SYT1: variants seen among roughly 807,000 people sequenced by gnomAD.
SYT1 encodes the protein synaptotagmin-1.
A neutral mutation model predicts 44.8 loss-of-function variants in SYT1; 8 were observed. The ratio of observed to expected loss-of-function variants is 0.18; its 90% CI spans 0.10 to 0.32. The LOEUF is 0.32. Among genes scored for constraint, SYT1 ranks in the 10% least tolerant of loss-of-function variants. The pLI is 1.00. For missense variants in SYT1, 286 were observed against 509.3 expected (o/e 0.56, Z 4.22); for synonymous variants, 154 against 188.8 (o/e 0.82, Z 1.51).
At chr12:79,335,194 C>T (rs1258949928) in intron 8 of SYT1, among the ~76,000 whole-genome samples, 3 of 152,134 alleles carry the variant, frequency 2.0e-5, no homozygotes, top group African/African-American at 7.2e-5. Context: ...TTTAGTCCCC[C>T]AAGACCCTTT....
At chr12:79,416,087 G>A (rs549322188) in intron 9 of SYT1, among the ~76,000 whole-genome samples, 1 of 152,144 alleles carries the variant, frequency 6.6e-6, no homozygotes, top group Non-Finnish European at 1.5e-5. Context: ...TACTATTAAA[G>A]GAGTTCCATT....
In SYT1 at chr12:79,299,461, C is replaced by A; in HGVS notation, c.720C>A (p.Ile240=). ...TTGATCGTTTCTCTAAGCATGACAT[C>A]ATTGGAGAATTTAAAGTCCCTATGA... ...YDFDRFSKHD[I]IGEFKVPMNT... Residue 240 remains isoleucine, a synonymous_variant, in exon 8 of 11, where the codon ATC becomes ATA. Transcript: ENST00000261205. 6.2e-7 allele frequency: 1 copy of A among 1,613,580 alleles called. No individual in the cohort carries two copies. Among genetic ancestry groups the A allele is most frequent in the South Asian group, 1.1e-5 (1 of 91,066 alleles).
Position 79,180,803 on chromosome 12 carries a change from T to C in SYT1, c.-17-36700T>C, listed in dbSNP as rs527681135. Among the ~76,000 whole-genome samples the C allele has an allele frequency of 1.4e-4, 22 of 152,092 alleles. 1 individual carries two copies. The highest frequency in any genetic ancestry group is 1.0e-3 in the South Asian group (5 of 4,824). On this transcript the variant is annotated intron_variant, in intron 3 of 10. Transcript: ENST00000261205. ...CTCCCAGCAGGCCCCACCTCCAACG[T>C]TGGGTGATATGGTTTGGCTGTGTCC...
At chr12:79,042,219 C>T (rs2137732022) in intron 2 of SYT1, among the ~76,000 whole-genome samples, 1 of 152,080 alleles carries the variant, frequency 6.6e-6, no homozygotes, top group East Asian at 1.9e-4. Flanking sequence ...CCTCCTTATA[C>T]CTCTGGTAGA....
intron 1 of SYT1, among the ~76,000 whole-genome samples, chr12:78,915,053 G>A (rs902338287): frequency 6.6e-6 from 1 of 151,474 alleles, no homozygotes; most frequent in Non-Finnish European, 1.5e-5. Context: ...AGATAGACTG[G>A]AACTCAACTA....
intron 9 of SYT1, among the ~76,000 whole-genome samples, chr12:79,434,204 T>G (rs1357744123): frequency 6.6e-6 from 1 of 152,260 alleles, no homozygotes. Flanking sequence ...AAAATGGAGT[T>G]GATTTTCTCT....
intron 9 of SYT1, among the ~76,000 whole-genome samples, chr12:79,354,374 A>G (rs1883029740): frequency 6.6e-6 from 1 of 152,360 alleles, no homozygotes; most frequent in African/African-American, 2.4e-5. Context: ...CAAGGTCATC[A>G]TAAATTGACT....
chr12:79,302,893 A>C (rs1181664531), intron 8 of SYT1, among the ~76,000 whole-genome samples: 1 of 152,126 alleles, frequency 6.6e-6, no homozygotes, highest in Admixed American at 6.5e-5. Context: ...GTATCCTCTG[A>C]GTTCCTAGAG....
intron 1 of SYT1, among the ~76,000 whole-genome samples, chr12:78,930,796 A>C (rs1877590233): frequency 6.6e-6 from 1 of 151,970 alleles, no homozygotes; most frequent in Non-Finnish European, 1.5e-5. Flanking sequence ...GCTTTAGAGT[A>C]ATATACAGAT....
At chr12:79,244,523 T>A (rs1368402245) in intron 4 of SYT1, among the ~76,000 whole-genome samples, 1 of 151,836 alleles carries the variant, frequency 6.6e-6, no homozygotes, top group Admixed American at 6.6e-5. Flanking sequence ...CTGGCCAACA[T>A]GGTAAAATCT....
chr12:79,418,709 G>C (rs1005710408), intron 9 of SYT1, among the ~76,000 whole-genome samples: 1 of 152,116 alleles, frequency 6.6e-6, no homozygotes, highest in Non-Finnish European at 1.5e-5. Context: ...ACAAACATCT[G>C]TCCAAGGTCT....
chr12:79,159,601 A>G (rs561104304), intron 3 of SYT1, among the ~76,000 whole-genome samples: 1 of 152,216 alleles, frequency 6.6e-6, no homozygotes, highest in African/African-American at 2.4e-5. Flanking sequence ...AAACTTTATC[A>G]TAGGTATGTA....
chr12:79,442,427 C>A (rs1400093616), intron 9 of SYT1, among the ~76,000 whole-genome samples: 2 of 151,934 alleles, frequency 1.3e-5, no homozygotes, highest in East Asian at 3.9e-4. Context: ...CATCTCTAGG[C>A]CTGGTTTTTA....
intron 3 of SYT1, among the ~76,000 whole-genome samples, chr12:79,206,084 A>G (rs1470032274): frequency 6.6e-6 from 1 of 152,216 alleles, no homozygotes; most frequent in Non-Finnish European, 1.5e-5. Context: ...TTTTGTATTA[A>G]AAGATTATTT....
Position 79,451,984 on chromosome 12 carries a change from A to C in SYT1, c.*2860A>C, listed in dbSNP as rs1280895720. The C allele has an allele frequency of 6.6e-6, 1 of 152,178 alleles. No individual in the cohort carries two copies. The highest frequency in any genetic ancestry group is 2.1e-4 in the South Asian group (1 of 4,836). The allele number at this position is 152,178 out of a possible 1,614,324, so 9.4% of individuals were successfully genotyped here. ...ACTTAACATATTACACAGATATTCA[A>C]TAAAAATGTTTTATTTCCTGTTGAT... On this transcript the variant is annotated 3_prime_UTR_variant, in exon 11 of 11. Transcript: ENST00000261205.
At chr12:79,407,153 G>C (rs1233454794) in intron 9 of SYT1, among the ~76,000 whole-genome samples, 1 of 152,076 alleles carries the variant, frequency 6.6e-6, no homozygotes, top group East Asian at 1.9e-4. Flanking sequence ...TATCCTCCAT[G>C]ATACACTCTT....
chr12:79,186,623 G>T (rs985336215), intron 3 of SYT1, among the ~76,000 whole-genome samples: 14 of 151,982 alleles, frequency 9.2e-5, no homozygotes, highest in African/African-American at 3.1e-4. Context: ...GCTCCCCAAA[G>T]ATTAAATGTC....
At chr12:78,890,122 T>G (rs919487274) in intron 1 of SYT1, among the ~76,000 whole-genome samples, 1 of 151,982 alleles carries the variant, frequency 6.6e-6, no homozygotes, top group Non-Finnish European at 1.5e-5. Context: ...TAATATTTTT[T>G]TCTTTTCAAG....
At chr12:78,985,246 T>C (rs910003788) in intron 2 of SYT1, among the ~76,000 whole-genome samples, 3 of 151,908 alleles carry the variant, frequency 2.0e-5, no homozygotes, top group African/African-American at 4.8e-5. Context: ...TCTCACATAT[T>C]TATACATAAG....
Sources: allele counts gnomAD v4.1 joint callset (sites outside exome capture counted in the v4.1 genomes callset), GRCh38; gene constraint gnomAD v4.1.1; transcripts MANE v1.5; gene names NCBI Gene and HGNC (gene_info 2026-07-23, HGNC 2026-07-21).